TRIML2: variants seen among roughly 807,000 people sequenced by gnomAD.
TRIML2 encodes the protein probable E3 ubiquitin-protein ligase TRIML2.
TRIML2 carries 28 observed loss-of-function variants against 31.2 expected under a neutral mutation model. The ratio of observed to expected loss-of-function variants is 0.90; its 90% CI spans 0.66 to 1.23. TRIML2 has a LOEUF of 1.23. Among genes scored for constraint, TRIML2 ranks in the 50% most tolerant of loss-of-function variants. The pLI is 0.00. For synonymous variants in TRIML2, 187 were observed against 197.5 expected (o/e 0.95, Z 0.45); for missense variants, 536 against 528.3 (o/e 1.01, Z -0.14).
rs778247232 is a variant in TRIML2 at position 188,091,333 on chromosome 4, T to G, written c.*40A>C. On this transcript the variant is annotated 3_prime_UTR_variant, in exon 8 of 8. Coordinates refer to ENST00000682553, the MANE Select transcript of TRIML2 (RefSeq NM_173553.4). ...TTCTTTCAAAGTCTTGTTCTCCAACTTTCTGGTGTCTCGTGGTCTTGGATT... is the reference window on the plus strand; with the variant it reads ...TTCTTTCAAAGTCTTGTTCTCCAACGTTCTGGTGTCTCGTGGTCTTGGATT... 1.6e-5 allele frequency: 25 copies of G among 1,566,280 alleles called. No individual in the cohort carries two copies. The highest frequency in any genetic ancestry group is 5.6e-5 in the Admixed American group (3 of 53,800).
chr4:188,097,432 G>T, intron 5 of TRIML2, 86 bp from the exon 6 acceptor site: 3 of 1,241,908 alleles, frequency 2.4e-6, no homozygotes, highest in South Asian at 2.5e-5. Flanking sequence ...CTCTTACAAT[G>T]AACTCAATTT....
At chr4:188,104,487 C>G (rs749435434) in intron 3 of TRIML2, among the ~76,000 whole-genome samples, 3 of 151,918 alleles carry the variant, frequency 2.0e-5, no homozygotes, top group African/African-American at 7.3e-5. Context: ...CTCAGCCTCC[C>G]GAGTAGCTGG....
intron 3 of TRIML2, among the ~76,000 whole-genome samples, chr4:188,102,021 T>G (rs1733816040): frequency 6.7e-6 from 1 of 150,270 alleles, no homozygotes; most frequent in Admixed American, 6.6e-5. Flanking sequence ...TCCCAGCTAC[T>G]CGGGAGGCTG....
intron 1 of TRIML2, among the ~76,000 whole-genome samples, chr4:188,108,975 C>A (rs35306370): frequency 0.49 from 73,687 of 151,908 alleles, 18,721 homozygotes; most frequent in South Asian, 0.6. Context: ...ATATTGTAAA[C>A]GATATTTTAT....
At chr4:188,101,318 AATAG>A (rs1443963567) in intron 3 of TRIML2, 68 bp from the exon 4 acceptor site, 5 of 897,092 alleles carry the variant, frequency 5.6e-6, no homozygotes, top group Non-Finnish European at 8.5e-6. Context: ...CACACGTCAT[AATAG>A]ATAGATATCT....
At chr4:188,098,798 A>G (rs1733641893) in intron 5 of TRIML2, 1 of 485,370 alleles carries the variant, frequency 2.1e-6, no homozygotes, top group South Asian at 3.0e-5. Context: ...TCTCAACCCT[A>G]ACTTACTGCT....
chr4:188,096,764 C>A (rs1379557819), intron 7 of TRIML2, among the ~76,000 whole-genome samples: 1 of 151,668 alleles, frequency 6.6e-6, no homozygotes. Flanking sequence ...TCAAGCAATT[C>A]TCCCACCTCA....
chr4:188,098,466 G>C (rs886325094), intron 5 of TRIML2, among the ~76,000 whole-genome samples: 1 of 152,168 alleles, frequency 6.6e-6, no homozygotes, highest in South Asian at 2.1e-4. Flanking sequence ...CATCGCCTTG[G>C]GGGAGAGGAT....
chr4:188,103,985 C>G (rs960024907), intron 3 of TRIML2, among the ~76,000 whole-genome samples: 1 of 152,134 alleles, frequency 6.6e-6, no homozygotes, highest in Non-Finnish European at 1.5e-5. Context: ...TCGGGGATAC[C>G]TTGCACAGAA....
chr4:188,094,278 A>G (rs1364106314), intron 7 of TRIML2, among the ~76,000 whole-genome samples: 1 of 152,162 alleles, frequency 6.6e-6, no homozygotes, highest in Non-Finnish European at 1.5e-5. Context: ...GAGCCAGTAT[A>G]ATAAGGCAAG....
intron 1 of TRIML2, among the ~76,000 whole-genome samples, chr4:188,108,162 C>T (rs1021591063): frequency 3.9e-5 from 6 of 152,148 alleles, no homozygotes; most frequent in African/African-American, 1.4e-4. Context: ...CTGAACCTCT[C>T]AATCTTGGGG....
chr4:188,106,628 T>TCGCG (rs1331848618), intron 1 of TRIML2: 1 of 155,500 alleles, frequency 6.4e-6, no homozygotes, highest in Admixed American at 6.5e-5. Context: ...GTCTCCCAGG[T>TCGCG]CGCGGCTCAG....
rs969927145 is a variant in TRIML2 at position 188,092,042 on chromosome 4, G to A, written c.746-101C>T. Reference sequence around the variant, plus strand: ...TGGGCTTCCCACTGAGTGGGCACAAGTCCCAGGCCCAGATACGGGAGAGGC... The same window carrying A: ...TGGGCTTCCCACTGAGTGGGCACAAATCCCAGGCCCAGATACGGGAGAGGC... On this transcript the variant is annotated intron_variant, in intron 7 of 7. Coordinates refer to ENST00000682553, the MANE Select transcript of TRIML2 (RefSeq NM_173553.4). The A allele has an allele frequency of 1.0e-5, 13 of 1,258,762 alleles. No homozygotes were observed. The African/African-American group carries it at 1.9e-4, about 19-fold the overall frequency. The allele number at this position is 1,258,762 out of a possible 1,614,324, so 78.0% of individuals were successfully genotyped here.
In TRIML2 at chr4:188,101,197, G is replaced by C; in HGVS notation, c.339C>G (p.Leu113=). ...KMIESEYSMR[L]RLLNEECEQN... is the part of the protein sequence containing the mutation. ...GCTCACACTCTTCATTCAACAACCGGAGTCTCATACTATACTCAGACTCAA... is the reference window on the plus strand; with the variant it reads ...GCTCACACTCTTCATTCAACAACCGCAGTCTCATACTATACTCAGACTCAA... The change falls in exon 4 of 8, where the codon CTC becomes CTG. Residue 113 remains leucine (L), a synonymous_variant. Coordinates refer to ENST00000682553, the MANE Select transcript of TRIML2 (RefSeq NM_173553.4). 1 of 1,613,250 alleles carries C rather than the reference G, an allele frequency of 6.2e-7. No homozygotes were observed.
At chr4:188,102,952 T>A (rs1474868202) in intron 3 of TRIML2, among the ~76,000 whole-genome samples, 1 of 149,382 alleles carries the variant, frequency 6.7e-6, no homozygotes, top group Admixed American at 6.7e-5. Context: ...CATCTCTCCC[T>A]AATTATTGCA....
At chr4:188,098,070 C>T (rs905492600) in intron 5 of TRIML2, 14 of 238,748 alleles carry the variant, frequency 5.9e-5, no homozygotes, top group South Asian at 4.5e-4. Flanking sequence ...TACAGTGAGC[C>T]GAAATTGCGC....
chr4:188,102,616 C>T (rs1185859505), intron 3 of TRIML2, among the ~76,000 whole-genome samples: 1 of 151,816 alleles, frequency 6.6e-6, no homozygotes, highest in Non-Finnish European at 1.5e-5. Context: ...TTTGGGAGGC[C>T]AAGGCAGGTG....
intron 4 of TRIML2, 46 bp downstream of exon 4, chr4:188,101,010 T>C: frequency 6.5e-7 from 1 of 1,530,008 alleles, no homozygotes; most frequent in South Asian, 1.3e-5. Flanking sequence ...TTAGCTCTTC[T>C]TTTTCTCATT....
intron 1 of TRIML2, among the ~76,000 whole-genome samples, chr4:188,107,634 T>TA (rs1414949544): frequency 2.3e-4 from 35 of 152,292 alleles, no homozygotes; most frequent in African/African-American, 8.2e-4. Flanking sequence ...GGGTGAGAAA[T>TA]AGTGTATTCA....
Sources: allele counts gnomAD v4.1 joint callset (sites outside exome capture counted in the v4.1 genomes callset), GRCh38; gene constraint gnomAD v4.1.1; transcripts MANE v1.5; gene names NCBI Gene and HGNC (gene_info 2026-07-23, HGNC 2026-07-21).